Variants in CALCRL observed in about 807,000 individuals in gnomAD.
The protein encoded by CALCRL is calcitonin receptor like receptor.
In CALCRL, 27 loss-of-function variants were observed where a neutral mutation model predicts 60.4. The observed-to-expected ratio is 0.45, with a 90% confidence interval of 0.33 to 0.62. The LOEUF (loss-of-function observed/expected upper bound fraction) is 0.62, where lower values mean the gene tolerates loss of function less well. CALCRL is among the 20% of genes least tolerant of loss of function. CALCRL has a pLI of 0.03. For missense variants in CALCRL, 424 were observed against 540.7 expected (o/e 0.78, Z 2.14); for synonymous variants, 190 against 182.6 (o/e 1.04, Z -0.33).
intron 1 of CALCRL, among the ~76,000 whole-genome samples, chr2:187,436,808 A>T (rs898258906): frequency 3.3e-5 from 5 of 152,168 alleles, no homozygotes; most frequent in Admixed American, 6.5e-5. Flanking sequence ...CAAATGTCTT[A>T]TTGGACTAAT....
In CALCRL at chr2:187,342,520, A is replaced by G. The variant is rs1388075248; in HGVS notation, c.*3664T>C. ...ACTCTCATGTACCTATCTCAACAATAGGCCAAACCTTATTAAACTAGCAAT... is the reference window on the plus strand; with the variant it reads ...ACTCTCATGTACCTATCTCAACAATGGGCCAAACCTTATTAAACTAGCAAT... On this transcript the variant is annotated 3_prime_UTR_variant, in exon 15 of 15. Coordinates refer to ENST00000392370, the MANE Select transcript of CALCRL (RefSeq NM_005795.6). Among the ~76,000 whole-genome samples the G allele has an allele frequency of 6.6e-6, 1 of 151,626 alleles. No homozygotes were observed. Among genetic ancestry groups the G allele is most frequent in the Non-Finnish European group, 1.5e-5 (1 of 67,640 alleles).
At chr2:187,428,255 T>A (rs1690239853) in intron 1 of CALCRL, 1 of 152,220 alleles carries the variant, frequency 6.6e-6, no homozygotes, top group South Asian at 2.1e-4. Flanking sequence ...TACTTACTTA[T>A]TTAAGCCAGT....
intron 8 of CALCRL, among the ~76,000 whole-genome samples, chr2:187,370,811 G>A (rs879487793): frequency 4.6e-5 from 7 of 152,072 alleles, no homozygotes; most frequent in Admixed American, 4.6e-4. Flanking sequence ...TAACTAAAAT[G>A]GACATATTGG....
At chr2:187,384,315 T>C (rs564612461) in intron 4 of CALCRL, among the ~76,000 whole-genome samples, 3 of 152,290 alleles carry the variant, frequency 2.0e-5, no homozygotes, top group African/African-American at 7.2e-5. Context: ...AAAATTAATA[T>C]ATTTGAAAAG....
At chr2:187,400,422 A>G (rs1688841156) in intron 1 of CALCRL, among the ~76,000 whole-genome samples, 2 of 151,478 alleles carry the variant, frequency 1.3e-5, no homozygotes, top group Admixed American at 6.6e-5. Flanking sequence ...TAACCACCAT[A>G]TATTGCTTAT....
At chr2:187,421,752 C>G (rs1289748971) in intron 1 of CALCRL, among the ~76,000 whole-genome samples, 2 of 152,136 alleles carry the variant, frequency 1.3e-5, no homozygotes, top group African/African-American at 4.8e-5. Context: ...ATAAAAACAC[C>G]ATTTTCATCT....
At position 187,342,988 on chromosome 2, in the gene CALCRL, GTAGA is replaced by G. The variant is rs1436701229; in HGVS notation, c.*3192_*3195del. The G allele has an allele frequency of 6.6e-6, 1 of 151,412 alleles. No individual in the cohort carries two copies. Among genetic ancestry groups the G allele is most frequent in the Non-Finnish European group, 1.5e-5 (1 of 67,566 alleles). 9.4% of individuals were successfully genotyped at this position (151,412 alleles called of 1,614,324 possible). On this transcript the variant is annotated 3_prime_UTR_variant, in exon 15 of 15. Coordinates refer to ENST00000392370, the MANE Select transcript of CALCRL (RefSeq NM_005795.6). Reference sequence around the variant, plus strand: ...AAACAAAACTACAAAATGAAATATAGTAGATAAAGGAGATGAATTTCTGAACATT... The same window carrying G: ...AAACAAAACTACAAAATGAAATATAGTAAAGGAGATGAATTTCTGAACATT...
chr2:187,413,513 T>C (rs994333970), intron 1 of CALCRL, among the ~76,000 whole-genome samples: 58 of 152,270 alleles, frequency 3.8e-4, no homozygotes, highest in Non-Finnish European at 7.6e-4. Context: ...AAGACTATAA[T>C]AGAAGACATT....
chr2:187,399,119 TA>T (rs1688775014), intron 1 of CALCRL, among the ~76,000 whole-genome samples: 1 of 151,580 alleles, frequency 6.6e-6, no homozygotes, highest in Non-Finnish European at 1.5e-5. Context: ...TCCTGACCTG[TA>T]AAATGAGATG....
intron 8 of CALCRL, among the ~76,000 whole-genome samples, chr2:187,371,103 A>G (rs1687498670): frequency 6.6e-6 from 1 of 152,102 alleles, no homozygotes; most frequent in South Asian, 2.1e-4. Flanking sequence ...GTAGCCGGGC[A>G]TGGTGGCGGG....
In CALCRL at chr2:187,437,906, T is replaced by C. The variant is rs192872746; in HGVS notation, c.-293+10133A>G. 2.0e-5 allele frequency among the ~76,000 whole-genome samples: 3 copies of C among 152,270 alleles called. No individual in the cohort carries two copies. The East Asian group carries it at 5.8e-4, about 29-fold the overall frequency. ...GTCAGTAGTGTGATAAGAGAATATG[T>C]AGAAAAACAGTAAAATTACAACTTT... On this transcript the variant is annotated intron_variant, in intron 1 of 14. Coordinates refer to ENST00000392370, the MANE Select transcript of CALCRL (RefSeq NM_005795.6).
intron 12 of CALCRL, among the ~76,000 whole-genome samples, chr2:187,358,521 AC>A (rs201718493): frequency 5.8e-5 from 8 of 137,594 alleles, no homozygotes; most frequent in African/African-American, 5.4e-5. Flanking sequence ...GTCACCTCCC[AC>A]CCCCCCCTGC....
intron 1 of CALCRL, among the ~76,000 whole-genome samples, chr2:187,410,167 T>TG (rs895155419): frequency 1.3e-5 from 2 of 151,942 alleles, no homozygotes; most frequent in Non-Finnish European, 2.9e-5. Context: ...AGTCAGAAAA[T>TG]GGGGTATAGT....
intron 1 of CALCRL, among the ~76,000 whole-genome samples, chr2:187,402,623 G>T (rs187954630): frequency 1.3e-5 from 2 of 151,704 alleles, no homozygotes; most frequent in East Asian, 3.9e-4. Context: ...CTCTAGGATA[G>T]ATATTTTCAT....
chr2:187,369,951 G>A (rs13432953), intron 8 of CALCRL, among the ~76,000 whole-genome samples: 18,656 of 152,122 alleles, frequency 0.12, 1,356 homozygotes, highest in African/African-American at 0.19. Flanking sequence ...CAAGGTAAAC[G>A]TCCACCATGG....
chr2:187,360,474 G>A (rs1288149731), intron 10 of CALCRL, 124 bp downstream of exon 10: 1 of 811,338 alleles, frequency 1.2e-6, no homozygotes, highest in East Asian at 2.8e-5. Flanking sequence ...ATAAGCAAAA[G>A]TTAATCACCT....
rs1450254046 is a variant in CALCRL at position 187,448,180 on chromosome 2, G to A, written c.-434C>T. 1 of 152,038 alleles carries A rather than the reference G, an allele frequency of 6.6e-6. No individual in the cohort carries two copies. The highest frequency in any genetic ancestry group is 1.5e-5 in the Non-Finnish European group (1 of 68,010). The allele number at this position is 152,038 out of a possible 1,614,324, so 9.4% of individuals were successfully genotyped here. ...CAATGTGATCCTGCAATTAGGATGAGATTCAGTTAGCAGAGCTTGATGGTC... is the reference window on the plus strand; with the variant it reads ...CAATGTGATCCTGCAATTAGGATGAAATTCAGTTAGCAGAGCTTGATGGTC... On this transcript the variant is annotated 5_prime_UTR_variant, in exon 1 of 15. Coordinates refer to ENST00000392370, the MANE Select transcript of CALCRL (RefSeq NM_005795.6).
intron 1 of CALCRL, chr2:187,428,503 T>A (rs1347356695): frequency 6.6e-6 from 1 of 152,236 alleles, no homozygotes; most frequent in African/African-American, 2.4e-5. Context: ...GGAGTATACC[T>A]AATTTGAACT....
rs562800473 is a variant in CALCRL, at chr2:187,381,161, T to C, written c.185-374A>G. Among the ~76,000 whole-genome samples, 12 of 152,208 alleles carry C rather than the reference T, an allele frequency of 7.9e-5. No individual in the cohort carries two copies. The South Asian group carries it at 2.5e-3, about 32-fold the overall frequency. The stretch of plus-strand genomic sequence containing the variant: ...TGGGAAATTAGAAACATGTTTAATT[T>C]TAGAAACTGTATGCTTAGGGCAAGG... On this transcript the variant is annotated intron_variant, in intron 5 of 14. Transcript: ENST00000392370.
Sources: gnomAD v4.1 joint callset for allele counts (sites outside exome capture counted in the v4.1 genomes callset) on GRCh38, gnomAD v4.1.1 for gene constraint, MANE v1.5 for transcripts, NCBI Gene and HGNC (gene_info 2026-07-23, HGNC 2026-07-21) for gene names.